The following WFDC3 variants were observed in gnomAD, a reference collection of about 807,000 sequenced individuals.
WFDC3 encodes WAP four-disulfide core domain protein 3.
WFDC3 carries 15 observed loss-of-function variants against 25.8 expected under a neutral mutation model. The ratio of observed to expected loss-of-function variants is 0.58; its 90% CI spans 0.39 to 0.89. The LOEUF (loss-of-function observed/expected upper bound fraction) is 0.89, where lower values mean the gene tolerates loss of function less well. Among genes scored for constraint, WFDC3 ranks in the 40% least tolerant of loss-of-function variants. WFDC3 has a pLI of 0.00. For synonymous variants in WFDC3, 103 were observed against 107.1 expected, an observed-to-expected ratio of 0.96 and a Z score of 0.24; for missense variants, 264 against 289.8, an observed-to-expected ratio of 0.91 and a Z score of 0.65.
chr20:45,777,496 A>G (rs1391480926), intron 4 of WFDC3, among the ~76,000 whole-genome samples: 1 of 151,998 alleles, frequency 6.6e-6, no homozygotes, highest in Non-Finnish European at 1.5e-5. Flanking sequence ...AACTACAGGC[A>G]CATGCCATCA....
At chr20:45,785,334 G>A (rs1294856069) in intron 4 of WFDC3, among the ~76,000 whole-genome samples, 4 of 151,946 alleles carry the variant, frequency 2.6e-5, no homozygotes, top group Admixed American at 6.6e-5. Flanking sequence ...GCTGAGCATG[G>A]TGGCACACGC....
At chr20:45,775,726 T>C in intron 5 of WFDC3, 124 bp from the exon 6 acceptor site, 2 of 1,239,034 alleles carry the variant, frequency 1.6e-6, no homozygotes, top group South Asian at 3.0e-5. Flanking sequence ...TAGACCCAAC[T>C]AAACTGGCTG....
rs144642182 is a variant in WFDC3 at position 45,779,206 on chromosome 20, C to G, written c.359-1997G>C. 1.1e-3 allele frequency among the ~76,000 whole-genome samples: 160 copies of G among 152,322 alleles called. 4 individuals carry two copies. In the South Asian group the frequency reaches 0.015, roughly 14 times the overall value. On this transcript the variant is annotated intron_variant, in intron 4 of 6. Coordinates refer to ENST00000243938, the MANE Select transcript of WFDC3 (RefSeq NM_080614.2). ...GCCACATCCAAACCAAACCAATTCA[C>G]CATGACTCATTCATCTTAGTGTTTA...
chr20:45,783,823 A>T (rs1000722455), intron 4 of WFDC3, among the ~76,000 whole-genome samples: 3 of 152,258 alleles, frequency 2.0e-5, no homozygotes, highest in South Asian at 4.1e-4. Context: ...CTTCCTGTAG[A>T]GTTGGGTATA....
chr20:45,775,432 A>G lies in WFDC3; in HGVS notation c.664T>C (p.Ser222Pro). 1.9e-6 allele frequency: 3 copies of G among 1,614,108 alleles called. No individual in the cohort carries two copies. The African/African-American group carries it at 4.0e-5, about 22-fold the overall frequency. The change falls in exon 6 of 7, where the codon TCT becomes CCT. Residue 222 changes from serine (S) to proline (P), a missense_variant. Transcript: ENST00000243938. ...CTGTACTCACCTAATTCGGAATCAGACCTCACAGTCCAGTTGGGGTTCATG... is the reference window on the plus strand; with the variant it reads ...CTGTACTCACCTAATTCGGAATCAGGCCTCACAGTCCAGTTGGGGTTCATG... The part of the protein sequence containing the change: ...LTMNPNWTVR[S>P]DSELEIPVP
At position 45,788,923 on chromosome 20, in the gene WFDC3, C is replaced by T. The variant is rs746259690; in HGVS notation, c.211+8G>A. 1.2e-6 allele frequency: 2 copies of T among 1,605,024 alleles called. No individual in the cohort carries two copies. Among genetic ancestry groups the T allele is most frequent in the Non-Finnish European group, 1.7e-6 (2 of 1,176,602 alleles). ...TATGCCCAGATTTTGCCCCTCATGC[C>T]AACATACCCTTAGGAATGTCTCGGC... On this transcript the variant is annotated splice_region_variant and intron_variant, in intron 3 of 6. Transcript: ENST00000243938.
chr20:45,783,234 G>T (rs915363692), intron 4 of WFDC3, among the ~76,000 whole-genome samples: 3 of 152,136 alleles, frequency 2.0e-5, no homozygotes, highest in Admixed American at 1.3e-4. Flanking sequence ...AGGCAGAGAA[G>T]GGGCGGACCA....
At chr20:45,784,022 G>A (rs1012398191) in intron 4 of WFDC3, among the ~76,000 whole-genome samples, 1 of 152,228 alleles carries the variant, frequency 6.6e-6, no homozygotes, top group Non-Finnish European at 1.5e-5. Context: ...CAGTGGAAAA[G>A]GAAGCCCTAT....
Position 45,788,945 on chromosome 20 carries a change from C to T in WFDC3, c.197G>A (p.Arg66Gln), listed in dbSNP as rs772546615. Residue 66 changes from arginine to glutamine, a missense_variant, in exon 3 of 7, where the codon CGA becomes CAA. Transcript: ENST00000243938. ...TGCCAACATACCCTTAGGAATGTCT[C>T]GGCAGATCCGACCACAGCCTGTGGT... ...CCTTGCGRIC[R>Q]DIPKGRKRDC... 1.6e-5 allele frequency: 26 copies of T among 1,611,790 alleles called. 1 individual carries two copies. The highest frequency in any genetic ancestry group is 1.1e-4 in the African/African-American group (8 of 74,776).
chr20:45,782,577 C>T (rs1486361728), intron 4 of WFDC3, among the ~76,000 whole-genome samples: 1 of 152,044 alleles, frequency 6.6e-6, no homozygotes, highest in African/African-American at 2.4e-5. Context: ...GGGGTTTCAC[C>T]ATGTTGGCCA....
chr20:45,790,515 A>G (rs1432989521), intron 1 of WFDC3, among the ~76,000 whole-genome samples: 4 of 152,258 alleles, frequency 2.6e-5, no homozygotes, highest in Non-Finnish European at 5.9e-5. Context: ...ACCTGAGGTC[A>G]GGAGTTTGAG....
At chr20:45,774,998 C>G (rs1000505040) in intron 6 of WFDC3, among the ~76,000 whole-genome samples, 3 of 151,980 alleles carry the variant, frequency 2.0e-5, no homozygotes, top group African/African-American at 4.8e-5. Flanking sequence ...ACCCTGCCCC[C>G]ACTCCTCACC....
chr20:45,777,317 T>C (rs1197536044), intron 4 of WFDC3, 108 bp from the exon 5 acceptor site: 27 of 1,112,768 alleles, frequency 2.4e-5, no homozygotes, highest in Admixed American at 4.3e-5. Flanking sequence ...TATACATATA[T>C]AATGTAAATA....
chr20:45,779,085 C>T (rs1213110554), intron 4 of WFDC3, among the ~76,000 whole-genome samples: 1 of 152,192 alleles, frequency 6.6e-6, no homozygotes, highest in Non-Finnish European at 1.5e-5. Flanking sequence ...CAACACTCAG[C>T]CTCTTGATTT....
intron 5 of WFDC3, among the ~76,000 whole-genome samples, chr20:45,776,318 G>GTGTGTGTA (rs58644271): frequency 0.043 from 5,966 of 139,820 alleles, 232 homozygotes; most frequent in Admixed American, 0.11. Flanking sequence ...GTGTGTGTGT[G>GTGTGTGTA]TGTTTCCAGC....
intron 6 of WFDC3, 104 bp downstream of exon 6, chr20:45,775,313 A>T: frequency 6.8e-7 from 1 of 1,467,498 alleles, no homozygotes; most frequent in Non-Finnish European, 9.2e-7. Flanking sequence ...TTTCTCTCCA[A>T]CTAGACTTTT....
At chr20:45,790,030 G>GC in intron 1 of WFDC3, 48 bp from the exon 2 acceptor site, 1 of 1,499,182 alleles carries the variant, frequency 6.7e-7, no homozygotes, top group Non-Finnish European at 9.3e-7. Flanking sequence ...TGTACACCTT[G>GC]CCCAGAGTAT....
At chr20:45,780,232 G>A (rs1426329218) in intron 4 of WFDC3, among the ~76,000 whole-genome samples, 2 of 151,490 alleles carry the variant, frequency 1.3e-5, no homozygotes, top group Non-Finnish European at 2.9e-5. Flanking sequence ...CACACTACCA[G>A]GCCCAGCTAA....
In WFDC3 at chr20:45,788,696, G is replaced by A. The variant is rs930467520; in HGVS notation, c.211+235C>T. The A allele has an allele frequency of 4.8e-5, 20 of 420,654 alleles. No homozygotes were observed. The South Asian group carries it at 8.4e-4, about 18-fold the overall frequency. 26.1% of individuals were successfully genotyped at this position (420,654 alleles called of 1,614,324 possible). A position where few individuals can be genotyped will look rare whatever the true frequency, so the allele number is the denominator to read the frequency against. ...TCCCTCCAGCCTTCACAGGAACTTT[G>A]AGTCCAAAGTAAAAGACATAGATAA... is the stretch of plus-strand genomic sequence containing the variant. On this transcript the variant is annotated intron_variant, in intron 3 of 6. Coordinates refer to ENST00000243938, the MANE Select transcript of WFDC3 (RefSeq NM_080614.2).
Sources: allele counts gnomAD v4.1 joint callset (sites outside exome capture counted in the v4.1 genomes callset), GRCh38; gene constraint gnomAD v4.1.1; transcripts MANE v1.5; gene names NCBI Gene and HGNC (gene_info 2026-07-23, HGNC 2026-07-21).